The following SEMA6C variants were observed in gnomAD, a reference collection of about 807,000 sequenced individuals.
SEMA6C encodes semaphorin 6C.
A neutral mutation model predicts 72.9 loss-of-function variants in SEMA6C; 37 were observed. That is an observed-to-expected ratio of 0.51 (90% confidence interval 0.39 to 0.67). The LOEUF is 0.67. Among genes scored for constraint, SEMA6C ranks in the 30% least tolerant of loss-of-function variants. The pLI, the probability that SEMA6C is intolerant of heterozygous loss-of-function variation, is 0.00. For synonymous variants in SEMA6C, 578 were observed against 554.1 expected, an observed-to-expected ratio of 1.04 and a Z score of -0.61; for missense variants, 1,189 against 1,263.6, an observed-to-expected ratio of 0.94 and a Z score of 0.89.
Position 151,132,956 on chromosome 1 carries a change from A to T in SEMA6C, c.2321T>A (p.Leu774Gln). 7.1e-7 allele frequency: 1 copy of T among 1,409,860 alleles called. No individual in the cohort carries two copies. Among genetic ancestry groups the T allele is most frequent in the Non-Finnish European group, 9.3e-7 (1 of 1,078,174 alleles). The allele number at this position is 1,409,860 out of a possible 1,614,324, so 87.3% of individuals were successfully genotyped here. A position where few individuals can be genotyped will look rare whatever the true frequency, so the allele number is the denominator to read the frequency against. The change falls in exon 19 of 19, where the codon CTG (leucine) becomes CAG (glutamine). Residue 774 changes from leucine to glutamine, a missense_variant. This residue lies in a region of SEMA6C where 721 missense variants were observed against 686.2 expected (regional missense o/e 1.05). Coordinates refer to ENST00000368914, the MANE Select transcript of SEMA6C (RefSeq NM_030913.6). ...VTTLEELLRY[L>Q]HGPQPPRKGA... is the part of the protein sequence containing the mutation. The stretch of plus-strand genomic sequence containing the variant: ...CTTTCTGGGCGGCTGCGGGCCGTGC[A>T]GGTAGCGCAGCAGTTCCTCCAGGGT...
Position 151,137,959 on chromosome 1 carries a change from G to A in SEMA6C, c.667+27C>T, listed in dbSNP as rs587671530. The A allele has an allele frequency of 1.4e-5, 23 of 1,607,568 alleles. No individual in the cohort carries two copies. The South Asian group carries it at 2.4e-4, about 17-fold the overall frequency. ...CCTCTGTGCCTCCTCCCCAATAACA[G>A]TCTCCTTTCCCCAGGCCCGCCCTGA... On this transcript the variant is annotated intron_variant, in intron 9 of 18. Coordinates refer to ENST00000368914, the MANE Select transcript of SEMA6C (RefSeq NM_030913.6).
intron 14 of SEMA6C, 114 bp from the exon 15 acceptor site, chr1:151,135,423 G>A: frequency 6.8e-7 from 1 of 1,473,394 alleles, no homozygotes; most frequent in Non-Finnish European, 9.2e-7. Context: ...AACCCATGGA[G>A]CTGCCCCGCC....
Position 151,136,040 on chromosome 1 carries a change from G to T in SEMA6C, c.1230C>A (p.Thr410=). 6.2e-7 allele frequency: 1 copy of T among 1,614,146 alleles called. No individual in the cohort carries two copies. ...TAGTGAGAGTGAGTAGAGGCTGATG[G>T]GTGACAGGTGGTACAGCGGGGTCCA... ...PLLDPAVPPV[T]HQPLLTLTSR... Residue 410 remains threonine (T), a synonymous_variant, in exon 13 of 19, where the codon ACC becomes ACA. Transcript: ENST00000368914.
Position 151,133,213 on chromosome 1 carries a change from C to T in SEMA6C, c.2064G>A (p.Glu688=). Residue 688 remains glutamate (E), a synonymous_variant, in exon 19 of 19, where the codon GAG becomes GAA. Coordinates refer to ENST00000368914, the MANE Select transcript of SEMA6C (RefSeq NM_030913.6). This position sits in a 1 kb window ranked among gnomAD's most constrained non-coding sequence, Gnocchi z 5.9. The part of the protein sequence containing the change: ...QLYTTFLPPP[E]GVPPPELACL... ...AGGCCAGCTCCGGCGGGGGCACGCC[C>T]TCCGGAGGCGGCAGGAAGGTGGTGT... 2.5e-6 allele frequency: 4 copies of T among 1,577,034 alleles called. No individual in the cohort carries two copies. The South Asian group carries it at 3.4e-5, about 13-fold the overall frequency.
chr1:151,137,319 A>G (rs587729902), intron 10 of SEMA6C, among the ~76,000 whole-genome samples: 2 of 152,016 alleles, frequency 1.3e-5, no homozygotes, highest in East Asian at 3.9e-4. Context: ...GGTGGTGGGC[A>G]CCTGTAGTCC....
chr1:151,145,605 C>G lies in SEMA6C; in HGVS notation c.-105+828G>C, dbSNP rs1682873239. 6.5e-6 allele frequency: 1 copy of G among 154,630 alleles called. No homozygotes were observed. Among genetic ancestry groups the G allele is most frequent in the African/African-American group, 2.4e-5 (1 of 41,532 alleles). The allele number at this position is 154,630 out of a possible 1,614,324, so 9.6% of individuals were successfully genotyped here. Reference sequence around the variant, plus strand: ...CGGGGCTCCGAGGAGGGGCCGGTAGCAGAGTCTGGGCCGGGACCGGGTCCC... The same window carrying G: ...CGGGGCTCCGAGGAGGGGCCGGTAGGAGAGTCTGGGCCGGGACCGGGTCCC... On this transcript the variant is annotated intron_variant, in intron 1 of 18. Transcript: ENST00000368914. This position sits in a 1 kb window ranked among gnomAD's most constrained non-coding sequence, Gnocchi z 4.4.
rs1558186713 is a variant in SEMA6C, at chr1:151,139,636, A to C, written c.297+2T>G. ...TGCACCTCTTCCCACACAGCCCCTC[A>C]CCTTGTTGGGCACCAGCCCCTCCCC... is the stretch of plus-strand genomic sequence containing the variant. On this transcript the variant is annotated splice_donor_variant, in intron 5 of 18. Transcript: ENST00000368914. LOFTEE classifies it high-confidence loss of function. 1.2e-6 allele frequency: 2 copies of C among 1,605,918 alleles called. No individual in the cohort carries two copies. The highest frequency in any genetic ancestry group is 1.1e-5 in the South Asian group (1 of 90,442).
chr1:151,133,339 C>A lies in SEMA6C; in HGVS notation c.1938G>T (p.Pro646=), dbSNP rs773101454. ...CCAAACTGCGGAGGGAGAGAGGGCG[C>A]GGGAGCCCCGGAGTCTCGATGTCCT... is the stretch of plus-strand genomic sequence containing the variant. ...RGKDIETPGL[P]RPLSLRSLAR... Residue 646 remains proline, a synonymous_variant, in exon 19 of 19, where the codon CCG becomes CCT. Transcript: ENST00000368914. This position sits in a 1 kb window ranked among gnomAD's most constrained non-coding sequence, Gnocchi z 5.9. The A allele has an allele frequency of 1.9e-6, 3 of 1,596,002 alleles. No homozygotes were observed. Among genetic ancestry groups the A allele is most frequent in the Non-Finnish European group, 2.6e-6 (3 of 1,173,882 alleles).
Position 151,135,775 on chromosome 1 carries a change from G to C in SEMA6C, c.1260-11C>G. On this transcript the variant is annotated splice_polypyrimidine_tract_variant and intron_variant, in intron 13 of 18. Coordinates refer to ENST00000368914, the MANE Select transcript of SEMA6C (RefSeq NM_030913.6). Reference sequence around the variant, plus strand: ...TGGGTCAGTAGGGCCCTGGAGGAAAGGGCCTCAGGTCAGGGAACCTGTCTA... The same window carrying C: ...TGGGTCAGTAGGGCCCTGGAGGAAACGGCCTCAGGTCAGGGAACCTGTCTA... 1.2e-6 allele frequency: 2 copies of C among 1,613,280 alleles called. No individual in the cohort carries two copies. Among genetic ancestry groups the C allele is most frequent in the African/African-American group, 2.7e-5 (2 of 75,030 alleles).
chr1:151,136,636 C>T (rs1682042776), intron 11 of SEMA6C, 57 bp from the exon 12 acceptor site: 2 of 1,602,866 alleles, frequency 1.2e-6, no homozygotes, highest in Admixed American at 3.4e-5. Context: ...ACAACTTCCC[C>T]CAGGAAGAAG....
In SEMA6C at chr1:151,136,254, A is replaced by G. The variant is rs2101622819; in HGVS notation, c.1107-91T>C. On this transcript the variant is annotated intron_variant, in intron 12 of 18. Coordinates refer to ENST00000368914, the MANE Select transcript of SEMA6C (RefSeq NM_030913.6). ...CCCTACTGCTCCCAAACCTGACTGG[A>G]AAGCCTTGCTCCCCCTCCACACAGA... 6 of 1,551,182 alleles carry G rather than the reference A, an allele frequency of 3.9e-6. No individual in the cohort carries two copies. In the South Asian group the frequency reaches 7.2e-5, roughly 19 times the overall value.
chr1:151,137,642 C>T, intron 10 of SEMA6C, 69 bp downstream of exon 10: 1 of 1,261,458 alleles, frequency 7.9e-7, no homozygotes, highest in Non-Finnish European at 1.1e-6. Flanking sequence ...AGATCTCCTC[C>T]CACTCAGACT....
rs1218241768 is a variant in SEMA6C, at chr1:151,133,830, C to G, written c.1760-313G>C. 3.7e-5 allele frequency: 35 copies of G among 950,866 alleles called. No homozygotes were observed. Among genetic ancestry groups the G allele is most frequent in the Non-Finnish European group, 5.5e-5 (35 of 635,636 alleles). The allele number at this position is 950,866 out of a possible 1,614,324, so 58.9% of individuals were successfully genotyped here. A position where few individuals can be genotyped will look rare whatever the true frequency, so the allele number is the denominator to read the frequency against. On this transcript the variant is annotated intron_variant, in intron 18 of 18. Coordinates refer to ENST00000368914, the MANE Select transcript of SEMA6C (RefSeq NM_030913.6). The surrounding 1 kb of genome is among the most constrained non-coding windows in gnomAD (Gnocchi z 5.9). ...CAGGAGAACTCGGGGCTGGGATGCC[C>G]AATTCTGGGGAAGGGAGGCTCCAAA...
At chr1:151,143,159 C>T (rs1336859380) in intron 2 of SEMA6C, among the ~76,000 whole-genome samples, 1 of 152,210 alleles carries the variant, frequency 6.6e-6, no homozygotes, top group Non-Finnish European at 1.5e-5. Context: ...TGCGCCTAGG[C>T]GGGGGCAGCC....
rs780027663 is a variant in SEMA6C at position 151,136,614 on chromosome 1, G to A, written c.975-35C>T. ...CCAGAAAAGATGCAGGATAGGTGCT[G>A]AAAGGAACTGCACAACTTCCCCCAG... On this transcript the variant is annotated intron_variant, in intron 11 of 18. Transcript: ENST00000368914. 7.4e-6 allele frequency: 12 copies of A among 1,612,276 alleles called. No homozygotes were observed. The South Asian group carries it at 9.9e-5, about 13-fold the overall frequency.
At chr1:151,134,354 T>C in intron 18 of SEMA6C, 47 bp downstream of exon 18, 1 of 1,509,832 alleles carries the variant, frequency 6.6e-7, no homozygotes, top group Non-Finnish European at 9.0e-7. Context: ...CACACTCAGG[T>C]ATGTGGGCTG....
At chr1:151,136,642 A>G (rs78681976) in intron 11 of SEMA6C, 63 bp from the exon 12 acceptor site, 2 of 1,596,472 alleles carry the variant, frequency 1.3e-6, no homozygotes, top group Non-Finnish European at 1.7e-6. Context: ...TCCCCCAGGA[A>G]GAAGTGGTGG....
chr1:151,137,162 G>C, intron 10 of SEMA6C, 88 bp from the exon 11 acceptor site: 1 of 1,229,058 alleles, frequency 8.1e-7, no homozygotes, highest in East Asian at 2.3e-5. Context: ...AGAGCAGTAA[G>C]GGGCTGGGCG....
Position 151,132,735 on chromosome 1 carries a change from C to A in SEMA6C, c.2542G>T (p.Gly848Ter). The change falls in exon 19 of 19, where the codon GGA becomes TGA. Residue 848 changes from glycine (G) to a stop codon, truncating the protein, a stop_gained. Coordinates refer to ENST00000368914, the MANE Select transcript of SEMA6C (RefSeq NM_030913.6). LOFTEE classifies it low-confidence loss of function (END_TRUNC). The stretch of plus-strand genomic sequence containing the variant: ...CCGGAGAAAGGCAACCTCCGGCCTC[C>A]GCCGACGCCCAGCCGGGGAGCGGGG... ...SAPAPRLGVG[G>*]GRRLPFSGHR... 7.6e-6 allele frequency: 11 copies of A among 1,456,018 alleles called. No individual in the cohort carries two copies. The highest frequency in any genetic ancestry group is 9.1e-6 in the Non-Finnish European group (10 of 1,103,914). The allele number at this position is 1,456,018 out of a possible 1,614,324, so 90.2% of individuals were successfully genotyped here.
Sources: gnomAD v4.1 joint callset for allele counts (sites outside exome capture counted in the v4.1 genomes callset) on GRCh38, gnomAD v4.1.1 for gene constraint, gnomAD v4.1.1 regional missense constraint, Gnocchi (gnomAD v3.1) non-coding constraint, MANE v1.5 for transcripts, NCBI Gene and HGNC (gene_info 2026-07-23, HGNC 2026-07-21) for gene names.